The following KIFAP3 variants were observed in gnomAD, a reference collection of about 807,000 sequenced individuals.
KIFAP3 encodes the protein kinesin-associated protein 3.
KIFAP3 carries 68 observed loss-of-function variants against 106.5 expected under a neutral mutation model. The observed-to-expected ratio is 0.64, with a 90% CI of 0.53 to 0.78. The LOEUF (loss-of-function observed/expected upper bound fraction) is 0.78, where lower values mean the gene tolerates loss of function less well. Ranked by LOEUF, KIFAP3 falls within the 30% of genes least tolerant of loss-of-function variation. The pLI is 0.00. For missense variants in KIFAP3, 780 were observed against 941.8 expected, an observed-to-expected ratio of 0.83 and a Z score of 2.25; for synonymous variants, 320 against 311.5, an observed-to-expected ratio of 1.03 and a Z score of -0.29.
At chr1:169,997,679 T>TG (rs1667432774) in intron 10 of KIFAP3, among the ~76,000 whole-genome samples, 1 of 152,082 alleles carries the variant, frequency 6.6e-6, no homozygotes, top group Non-Finnish European at 1.5e-5. Flanking sequence ...AAGACCAGCC[T>TG]GGCCACCATG....
At chr1:170,039,189 T>C in intron 4 of KIFAP3, 44 bp downstream of exon 4, 1 of 1,185,510 alleles carries the variant, frequency 8.4e-7, no homozygotes, top group Non-Finnish European at 1.2e-6. Context: ...AGGCAATATC[T>C]TATAATCCAG....
intron 1 of KIFAP3, among the ~76,000 whole-genome samples, chr1:170,071,232 A>C (rs1671689346): frequency 6.6e-6 from 1 of 152,240 alleles, no homozygotes; most frequent in Non-Finnish European, 1.5e-5. Flanking sequence ...TTCCAGGCCT[A>C]GGTATACACC....
At chr1:169,970,648 T>C (rs1342574974) in intron 17 of KIFAP3, among the ~76,000 whole-genome samples, 2 of 152,058 alleles carry the variant, frequency 1.3e-5, no homozygotes, top group Non-Finnish European at 2.9e-5. Context: ...CTGAGAATAC[T>C]AGGAAATCAT....
At chr1:170,064,515 A>G (rs1312994465) in intron 1 of KIFAP3, among the ~76,000 whole-genome samples, 3 of 152,056 alleles carry the variant, frequency 2.0e-5, no homozygotes, top group Non-Finnish European at 2.9e-5. Flanking sequence ...CACCATGCCC[A>G]GCTAAGTTTT....
chr1:170,017,214 G>A (rs942873571), intron 9 of KIFAP3, among the ~76,000 whole-genome samples: 2 of 134,676 alleles, frequency 1.5e-5, no homozygotes, highest in African/African-American at 5.6e-5. Context: ...CCGAGATCAT[G>A]CTACTGCATT....
intron 1 of KIFAP3, among the ~76,000 whole-genome samples, chr1:170,081,853 T>C (rs544950009): frequency 6.6e-6 from 1 of 152,260 alleles, no homozygotes; most frequent in South Asian, 2.1e-4. Flanking sequence ...AGCACCTTTT[T>C]TTGTGGGGGT....
chr1:169,937,564 A>C (rs1048121199), intron 19 of KIFAP3, among the ~76,000 whole-genome samples: 1 of 151,824 alleles, frequency 6.6e-6, no homozygotes, highest in Non-Finnish European at 1.5e-5. Context: ...TACAGAACTT[A>C]AGCTATTGGA....
At chr1:170,021,570 G>A (rs1668827896) in intron 9 of KIFAP3, among the ~76,000 whole-genome samples, 2 of 150,822 alleles carry the variant, frequency 1.3e-5, no homozygotes, top group African/African-American at 4.9e-5. Context: ...CTCCTAAGTA[G>A]CTGGTATTAC....
intron 17 of KIFAP3, among the ~76,000 whole-genome samples, chr1:169,970,466 A>G (rs888248456): frequency 6.6e-6 from 1 of 152,094 alleles, no homozygotes; most frequent in African/African-American, 2.4e-5. Flanking sequence ...TGCAGAAAGT[A>G]TATTTCCCCA....
At chr1:169,963,673 T>C (rs921401174) in intron 17 of KIFAP3, among the ~76,000 whole-genome samples, 1 of 152,090 alleles carries the variant, frequency 6.6e-6, no homozygotes, top group South Asian at 2.1e-4. Flanking sequence ...TTTGTATTTT[T>C]GGTAGAGATG....
chr1:170,045,499 A>T (rs1670196043), intron 3 of KIFAP3, among the ~76,000 whole-genome samples: 1 of 152,226 alleles, frequency 6.6e-6, no homozygotes, highest in Non-Finnish European at 1.5e-5. Context: ...ACTTTATGCA[A>T]ATAGTCAGGC....
intron 19 of KIFAP3, among the ~76,000 whole-genome samples, chr1:169,941,922 A>C (rs547217218): frequency 2.6e-5 from 4 of 152,366 alleles, no homozygotes; most frequent in African/African-American, 7.2e-5. Context: ...TTAATGTATA[A>C]AATTCAGCTT....
At chr1:170,032,230 T>A in intron 7 of KIFAP3, 1 of 333,192 alleles carries the variant, frequency 3.0e-6, no homozygotes, top group South Asian at 6.8e-5. Context: ...ACAGCTAACA[T>A]CATATAGATA....
chr1:169,935,702 C>T (rs188949107), intron 19 of KIFAP3, among the ~76,000 whole-genome samples: 7 of 151,816 alleles, frequency 4.6e-5, no homozygotes, highest in African/African-American at 1.7e-4. Context: ...AAAATGAGAC[C>T]ATAGAAATAT....
At position 169,961,150 on chromosome 1, in the gene KIFAP3, C is replaced by T. The variant is rs759727470; in HGVS notation, c.2069G>A (p.Arg690His). 9.3e-6 allele frequency: 15 copies of T among 1,613,620 alleles called. No individual in the cohort carries two copies. Among genetic ancestry groups the T allele is most frequent in the South Asian group, 4.4e-5 (4 of 91,072 alleles). ...NSQWLEMVES[R>H]QMDESEQYLY... Reference sequence around the variant, plus strand: ...GTACTGCTCACTCTCATCCATCTGACGACTCTCTACCATCTCCAGCCACTG... The same window carrying T: ...GTACTGCTCACTCTCATCCATCTGATGACTCTCTACCATCTCCAGCCACTG... The change falls in exon 18 of 20, where the codon CGT becomes CAT. Residue 690 changes from arginine to histidine, a missense_variant. Arg to His is a conservative substitution (Grantham distance 29). This residue lies in a region of KIFAP3 where 78 missense variants were observed against 140.6 expected (regional missense o/e 0.55). Coordinates refer to ENST00000361580, the MANE Select transcript of KIFAP3 (RefSeq NM_014970.4).
At chr1:170,044,544 A>T (rs901392481) in intron 3 of KIFAP3, among the ~76,000 whole-genome samples, 1 of 152,228 alleles carries the variant, frequency 6.6e-6, no homozygotes, top group Non-Finnish European at 1.5e-5. Flanking sequence ...ATGGAAGGAC[A>T]TAAAATGATC....
At chr1:170,081,880 A>C (rs1037793515) in intron 1 of KIFAP3, among the ~76,000 whole-genome samples, 3 of 152,064 alleles carry the variant, frequency 2.0e-5, no homozygotes, top group African/African-American at 7.2e-5. Context: ...GAAGGGTGGG[A>C]GCATTATTTT....
intron 8 of KIFAP3, among the ~76,000 whole-genome samples, chr1:170,028,544 C>T (rs1669237571): frequency 6.6e-6 from 1 of 152,146 alleles, no homozygotes; most frequent in Admixed American, 6.6e-5. Context: ...CCCATGTTGC[C>T]CAGGCTGGTC....
At chr1:169,961,333 A>C in intron 17 of KIFAP3, 98 bp from the exon 18 acceptor site, 1 of 828,956 alleles carries the variant, frequency 1.2e-6, no homozygotes, top group East Asian at 2.5e-5. Context: ...GGGGCCCTTC[A>C]CTGGGTCAGA....
Sources: allele counts gnomAD v4.1 joint callset (sites outside exome capture counted in the v4.1 genomes callset), GRCh38; gene constraint gnomAD v4.1.1; regional missense constraint gnomAD v4.1.1; transcripts MANE v1.5; gene names NCBI Gene and HGNC (gene_info 2026-07-23, HGNC 2026-07-21).